Variants in LOXHD1 observed in about 807,000 individuals in gnomAD.
LOXHD1 encodes the protein lipoxygenase homology domain-containing protein 1.
LOXHD1 carries 205 observed loss-of-function variants against 248.2 expected under a neutral mutation model. The ratio of observed to expected loss-of-function variants is 0.83; its 90% CI spans 0.74 to 0.93. The LOEUF is 0.93. Among genes scored for constraint, LOXHD1 ranks in the 40% least tolerant of loss-of-function variants. The probability of loss-of-function intolerance (pLI) is 0.00; values close to 1 mark genes in which losing one functional copy is unlikely to be tolerated. For synonymous variants in LOXHD1, 1,113 were observed against 1,162.8 expected (o/e 0.96, Z 0.87); for missense variants, 2,930 against 2,971.6 (o/e 0.99, Z 0.33).
intron 17 of LOXHD1, among the ~76,000 whole-genome samples, chr18:46,563,674 T>C (rs1198872644): frequency 1.1e-4 from 17 of 152,206 alleles, no homozygotes. Flanking sequence ...TTGAAGCCAC[T>C]AACCCCAATA....
chr18:46,480,644 G>T (rs888850294), intron 40 of LOXHD1, among the ~76,000 whole-genome samples: 1 of 152,140 alleles, frequency 6.6e-6, no homozygotes, highest in Non-Finnish European at 1.5e-5. Flanking sequence ...TGCTAGAAAG[G>T]GGGGAAGGTG....
intron 25 of LOXHD1, among the ~76,000 whole-genome samples, chr18:46,538,910 C>G (rs1322753928): frequency 2.0e-5 from 3 of 152,214 alleles, no homozygotes; most frequent in African/African-American, 7.2e-5. Context: ...CCATCCACCT[C>G]ACACCCAGCC....
chr18:46,482,116 G>T (rs1216501710), intron 40 of LOXHD1, among the ~76,000 whole-genome samples: 1 of 152,188 alleles, frequency 6.6e-6, no homozygotes, highest in Non-Finnish European at 1.5e-5. Flanking sequence ...GGTCCTAGCA[G>T]CCACATAGAG....
intron 14 of LOXHD1, among the ~76,000 whole-genome samples, chr18:46,575,300 A>T (rs1160302356): frequency 6.6e-6 from 1 of 152,108 alleles, no homozygotes; most frequent in East Asian, 1.9e-4. Context: ...TCTCTGGTGT[A>T]CAATAAGCCC....
chr18:46,648,075 G>A (rs1173261776), intron 2 of LOXHD1, among the ~76,000 whole-genome samples: 3 of 152,122 alleles, frequency 2.0e-5, no homozygotes, highest in African/African-American at 4.8e-5. Flanking sequence ...TTGCCAACAT[G>A]GTGAAACCCC....
In LOXHD1 at chr18:46,563,068, G is replaced by A; in HGVS notation, c.2595C>T (p.Phe865=). ...KVFERASKDT[F]QLEAADVGEV... ...CCCGCTCCTCGACCCCACATACCTG[G>A]AATGTGTCCTTGGACGCCCGTTCAA... The change falls in exon 18 of 41, where the codon TTC becomes TTT. Residue 865 remains phenylalanine (F), a synonymous_variant. Coordinates refer to ENST00000642948, the MANE Select transcript of LOXHD1 (RefSeq NM_001384474.1). 6.5e-7 allele frequency: 1 copy of A among 1,540,672 alleles called. No homozygotes were observed. The highest frequency in any genetic ancestry group is 2.5e-5 in the East Asian group (1 of 40,580).
intron 28 of LOXHD1, among the ~76,000 whole-genome samples, chr18:46,532,663 C>T (rs2036125118): frequency 6.6e-6 from 1 of 152,224 alleles, no homozygotes; most frequent in Admixed American, 6.5e-5. Flanking sequence ...TCCAGAAATT[C>T]ATGACCTTGG....
At chr18:46,608,798 T>A (rs1233823955) in intron 6 of LOXHD1, among the ~76,000 whole-genome samples, 1 of 152,226 alleles carries the variant, frequency 6.6e-6, no homozygotes, top group East Asian at 1.9e-4. Context: ...CTTTGTTGAT[T>A]CAATGCCCAG....
intron 4 of LOXHD1, among the ~76,000 whole-genome samples, chr18:46,618,814 A>G (rs1670117004): frequency 6.6e-6 from 1 of 152,206 alleles, no homozygotes; most frequent in East Asian, 1.9e-4. Flanking sequence ...AATCAAATTT[A>G]TCTGTAAATT....
intron 25 of LOXHD1, 68 bp from the exon 26 acceptor site, chr18:46,538,405 C>T (rs996551153): frequency 1.2e-4 from 169 of 1,454,742 alleles, no homozygotes; most frequent in Non-Finnish European, 1.5e-4. Context: ...TGGTGAGAGC[C>T]AGTTCTTCAC....
intron 1 of LOXHD1, among the ~76,000 whole-genome samples, chr18:46,652,858 G>A (rs67221757): frequency 0.14 from 20,963 of 152,172 alleles, 1,588 homozygotes; most frequent in Middle Eastern, 0.23. Context: ...CAATAAAAAA[G>A]AACAAACTAT....
intron 4 of LOXHD1, 148 bp from the exon 5 acceptor site, chr18:46,618,438 T>C: frequency 1.6e-6 from 1 of 623,394 alleles, no homozygotes. Flanking sequence ...AAAAAACAAG[T>C]CAGTCCACAT....
At chr18:46,626,767 T>G (rs328189) in intron 4 of LOXHD1, among the ~76,000 whole-genome samples, 80,449 of 151,982 alleles carry the variant, frequency 0.53, 22,719 homozygotes, top group East Asian at 0.93. Flanking sequence ...CAAGCCTCTG[T>G]GTTTGCTCCT....
intron 25 of LOXHD1, among the ~76,000 whole-genome samples, chr18:46,539,889 C>T (rs1294786183): frequency 2.0e-5 from 3 of 152,214 alleles, no homozygotes; most frequent in African/African-American, 7.2e-5. Context: ...AAAGGAGTCA[C>T]AATACAAGCT....
At chr18:46,630,634 G>A (rs933604834) in intron 4 of LOXHD1, among the ~76,000 whole-genome samples, 2 of 152,182 alleles carry the variant, frequency 1.3e-5, no homozygotes, top group African/African-American at 4.8e-5. Context: ...GATGTGCCCA[G>A]GGCTTCCCTG....
chr18:46,604,161 G>A lies in LOXHD1; in HGVS notation c.828C>T (p.Asp276=), dbSNP rs200247093. The A allele has an allele frequency of 1.2e-4, 188 of 1,551,578 alleles. No homozygotes were observed. Among genetic ancestry groups the A allele is most frequent in the Middle Eastern group, 1.2e-3 (7 of 6,016 alleles). Residue 276 remains aspartate, a synonymous_variant, in exon 7 of 41, where the codon GAC becomes GAT. Transcript: ENST00000642948. ...CCCTTTGGATTTTGCCATCGTCTTC[G>A]TCCAAGGCCAGCCAGCGGTTAAGGG... The part of the protein sequence containing the change: ...DFPLNRWLAL[D]EDDGKIQRDI...
chr18:46,525,984 G>C (rs996479539), intron 29 of LOXHD1, among the ~76,000 whole-genome samples: 1 of 152,170 alleles, frequency 6.6e-6, no homozygotes, highest in Non-Finnish European at 1.5e-5. Flanking sequence ...GCTGCAGCTG[G>C]GGGGCTGGGC....
rs200824438 is a variant in LOXHD1, at chr18:46,554,945, A to AT, written c.3350+2410dup. 2.7e-3 allele frequency among the ~76,000 whole-genome samples: 403 copies of AT among 151,756 alleles called. 2 individuals carry two copies. Among genetic ancestry groups the AT allele is most frequent in the African/African-American group, 9.2e-3 (382 of 41,394 alleles). On this transcript the variant is annotated intron_variant, in intron 21 of 40. Transcript: ENST00000642948. Reference sequence around the variant, plus strand: ...GCATAACAATCAAAATTCCAAGAGGATTTTTTTTTCAAGTCACTTAATGTC... The same window carrying AT: ...GCATAACAATCAAAATTCCAAGAGGATTTTTTTTTTCAAGTCACTTAATGTC...
intron 1 of LOXHD1, among the ~76,000 whole-genome samples, chr18:46,650,054 A>C (rs929007310): frequency 7.9e-5 from 12 of 152,206 alleles, no homozygotes; most frequent in African/African-American, 2.6e-4. Flanking sequence ...GAATCACAGC[A>C]CAGAACTAGC....
Sources: gnomAD v4.1 joint callset for allele counts (sites outside exome capture counted in the v4.1 genomes callset) on GRCh38, gnomAD v4.1.1 for gene constraint, MANE v1.5 for transcripts, NCBI Gene and HGNC (gene_info 2026-07-23, HGNC 2026-07-21) for gene names.